Variants in ASAP2 observed in about 807,000 individuals in gnomAD.
ASAP2 encodes ArfGAP with SH3 domain, ankyrin repeat and PH domain 2, also known as arf-GAP with SH3 domain, ANK repeat and PH domain-containing protein 2.
Under a neutral mutation model 131.4 loss-of-function variants are expected in ASAP2, and 45 were observed. The observed-to-expected ratio is 0.34, with a 90% confidence interval of 0.27 to 0.44. ASAP2 has a LOEUF of 0.44. Among genes scored for constraint, ASAP2 ranks in the 20% least tolerant of loss-of-function variants. The probability of loss-of-function intolerance (pLI) is 1.00; values close to 1 mark genes in which losing one functional copy is unlikely to be tolerated. For missense variants in ASAP2, 1,011 were observed against 1,297.0 expected (o/e 0.78, Z 3.39); for synonymous variants, 510 against 503.0 (o/e 1.01, Z -0.19).
At chr2:9,316,583 A>C (rs1056049510) in intron 3 of ASAP2, among the ~76,000 whole-genome samples, 1 of 152,120 alleles carries the variant, frequency 6.6e-6, no homozygotes, top group Non-Finnish European at 1.5e-5. Context: ...GAGTGGTCCA[A>C]GCCTGGGAAG....
chr2:9,237,871 C>T (rs1037334423), intron 1 of ASAP2, among the ~76,000 whole-genome samples: 4 of 152,198 alleles, frequency 2.6e-5, no homozygotes, highest in African/African-American at 7.2e-5. Context: ...ATGATCCCAT[C>T]TCTTCCCATG....
At chr2:9,381,651 A>T (rs1174280344) in intron 20 of ASAP2, among the ~76,000 whole-genome samples, 1 of 152,222 alleles carries the variant, frequency 6.6e-6, no homozygotes, top group African/African-American at 2.4e-5. Flanking sequence ...TAGGAGGATC[A>T]CTTTGAGACC....
rs938981240 is a variant in ASAP2, at chr2:9,276,258, G to T, written c.127-3059G>T. Among the ~76,000 whole-genome samples, 24 of 152,200 alleles carry T rather than the reference G, an allele frequency of 1.6e-4. 1 individual carries two copies. The highest frequency in any genetic ancestry group is 5.9e-5 in the Non-Finnish European group (4 of 68,040). On this transcript the variant is annotated intron_variant, in intron 1 of 27. Coordinates refer to ENST00000281419, the MANE Select transcript of ASAP2 (RefSeq NM_003887.3). ...TGAGTACCTGCCACCCTATCGTGGAGGTGGCAAGGCATCAGAGGCCTTCTC... is the reference window on the plus strand; with the variant it reads ...TGAGTACCTGCCACCCTATCGTGGATGTGGCAAGGCATCAGAGGCCTTCTC...
chr2:9,241,232 A>G (rs559845639), intron 1 of ASAP2, among the ~76,000 whole-genome samples: 114 of 152,326 alleles, frequency 7.5e-4, no homozygotes, highest in African/African-American at 2.7e-3. Context: ...TTAATTTAGC[A>G]TGTGTGCTGG....
intron 1 of ASAP2, among the ~76,000 whole-genome samples, chr2:9,252,914 C>CA (rs35078846): frequency 0.54 from 58,752 of 108,118 alleles, 14,503 homozygotes; most frequent in African/African-American, 0.65. Flanking sequence ...GACTCCGTCT[C>CA]AAAAAAAAAA....
chr2:9,318,704 G>A, intron 4 of ASAP2, 106 bp downstream of exon 4: 3 of 666,310 alleles, frequency 4.5e-6, no homozygotes, highest in Admixed American at 3.0e-5. Flanking sequence ...TCATTGGGAC[G>A]ATAGGATGGC....
rs776598265 is a variant in ASAP2 at position 9,379,013 on chromosome 2, C to T, written c.1902C>T (p.Ala634=). ...ALHYCCLTDN[A]ECLKLLLRGK... Reference sequence around the variant, plus strand: ...ACTACTGCTGCCTGACCGACAATGCCGAGTGCCTCAAGTTGCTCCTGCGGG... The same window carrying T: ...ACTACTGCTGCCTGACCGACAATGCTGAGTGCCTCAAGTTGCTCCTGCGGG... Residue 634 remains alanine, a synonymous_variant, in exon 19 of 28, where the codon GCC becomes GCT. Transcript: ENST00000281419. 69 of 1,579,344 alleles carry T rather than the reference C, an allele frequency of 4.4e-5. No homozygotes were observed. The highest frequency in any genetic ancestry group is 1.2e-4 in the East Asian group (5 of 41,680).
intron 3 of ASAP2, among the ~76,000 whole-genome samples, chr2:9,301,855 G>A (rs1315617449): frequency 1.6e-5 from 2 of 125,152 alleles, no homozygotes; most frequent in Non-Finnish European, 3.1e-5. Context: ...ACGGAGTCTC[G>A]TTCTGTTGTC....
chr2:9,222,486 GTTGCTTTCTATCAACA>G (rs2147986883), intron 1 of ASAP2, among the ~76,000 whole-genome samples: 1 of 152,338 alleles, frequency 6.6e-6, no homozygotes, highest in African/African-American at 2.4e-5. Context: ...TGGTGTTTTG[GTTGCTTTCTATCAACA>G]TTGCCTTGAT....
intron 3 of ASAP2, among the ~76,000 whole-genome samples, chr2:9,316,036 A>G (rs1669649470): frequency 6.6e-6 from 1 of 152,190 alleles, no homozygotes; most frequent in Non-Finnish European, 1.5e-5. Context: ...TGTAAAATTT[A>G]GTCCAGGCGT....
intron 1 of ASAP2, among the ~76,000 whole-genome samples, chr2:9,241,136 A>G (rs1224465008): frequency 6.6e-6 from 1 of 152,240 alleles, no homozygotes; most frequent in Non-Finnish European, 1.5e-5. Flanking sequence ...ATAAGAGGGT[A>G]GTACTGTATC....
chr2:9,213,450 AG>A (rs1661752267), intron 1 of ASAP2, among the ~76,000 whole-genome samples: 1 of 152,192 alleles, frequency 6.6e-6, no homozygotes. Flanking sequence ...AAGCTGTTGA[AG>A]GGTTTTGAGC....
chr2:9,306,365 C>T (rs1009619918), intron 3 of ASAP2, among the ~76,000 whole-genome samples: 1 of 151,680 alleles, frequency 6.6e-6, no homozygotes, highest in African/African-American at 2.4e-5. Context: ...GAAGAGCAGC[C>T]GTGTCGGCTT....
intron 1 of ASAP2, among the ~76,000 whole-genome samples, chr2:9,213,316 G>A (rs940770627): frequency 2.6e-5 from 4 of 152,228 alleles, no homozygotes; most frequent in African/African-American, 9.6e-5. Context: ...AGGTCAGGGT[G>A]TGTGGGGAGG....
chr2:9,385,940 AG>A (rs1327605473), intron 21 of ASAP2, among the ~76,000 whole-genome samples: 7 of 152,320 alleles, frequency 4.6e-5, no homozygotes, highest in African/African-American at 1.7e-4. Context: ...CTTCATACGC[AG>A]GGGTGAGCCC....
At chr2:9,229,572 T>C (rs1663010186) in intron 1 of ASAP2, among the ~76,000 whole-genome samples, 1 of 152,158 alleles carries the variant, frequency 6.6e-6, no homozygotes, top group African/African-American at 2.4e-5. Flanking sequence ...TGGCCAGCAT[T>C]GAGCTGGCTG....
Position 9,231,221 on chromosome 2 carries a change from C to T in ASAP2, c.126+23991C>T, listed in dbSNP as rs185704517. The stretch of plus-strand genomic sequence containing the variant: ...GGTGAATCCTTTCCCTTCACTCCCT[C>T]CTGTAGCCAGGACCTTGTCACCTCC... On this transcript the variant is annotated intron_variant, in intron 1 of 27. Coordinates refer to ENST00000281419, the MANE Select transcript of ASAP2 (RefSeq NM_003887.3). 1.1e-4 allele frequency among the ~76,000 whole-genome samples: 17 copies of T among 152,320 alleles called. 1 individual carries two copies. In the East Asian group the frequency reaches 3.3e-3, roughly 29 times the overall value.
rs1484053186 is a variant in ASAP2 at position 9,392,664 on chromosome 2, A to T, written c.2519-818A>T. On this transcript the variant is annotated intron_variant, in intron 23 of 27. Coordinates refer to ENST00000281419, the MANE Select transcript of ASAP2 (RefSeq NM_003887.3). The surrounding 1 kb of genome is among the most constrained non-coding windows in gnomAD (Gnocchi z 4.0). ...AAAGGAAACAATAATGATAAAAAGA[A>T]AGATCATAAGCTGGATCCCTTCATG... is the stretch of plus-strand genomic sequence containing the variant. 6.6e-6 allele frequency among the ~76,000 whole-genome samples: 1 copy of T among 152,224 alleles called. No individual in the cohort carries two copies. Among genetic ancestry groups the T allele is most frequent in the Non-Finnish European group, 1.5e-5 (1 of 68,040 alleles).
intron 1 of ASAP2, among the ~76,000 whole-genome samples, chr2:9,253,594 G>T (rs1368995661): frequency 1.3e-5 from 2 of 152,170 alleles, no homozygotes; most frequent in Admixed American, 6.5e-5. Flanking sequence ...CCTGCCTCCT[G>T]TCATCTCTGC....
Sources: gnomAD v4.1 joint callset for allele counts (sites outside exome capture counted in the v4.1 genomes callset) on GRCh38, gnomAD v4.1.1 for gene constraint, Gnocchi (gnomAD v3.1) non-coding constraint, MANE v1.5 for transcripts, NCBI Gene and HGNC (gene_info 2026-07-23, HGNC 2026-07-21) for gene names.